The following ANO3 variants were observed in gnomAD, a reference collection of about 807,000 sequenced individuals.
ANO3 encodes the protein anoctamin-3.
In ANO3, 99 loss-of-function variants were observed where a neutral mutation model predicts 144.8. The ratio of observed to expected loss-of-function variants is 0.68; its 90% CI spans 0.58 to 0.81. The LOEUF (loss-of-function observed/expected upper bound fraction) is 0.81, where lower values mean the gene tolerates loss of function less well. ANO3 is among the 30% of genes least tolerant of loss of function. The probability of loss-of-function intolerance (pLI) is 0.00; values close to 1 mark genes in which losing one functional copy is unlikely to be tolerated. For synonymous variants in ANO3, 414 were observed against 392.6 expected (o/e 1.05, Z -0.64); for missense variants, 905 against 1,202.2 (o/e 0.75, Z 3.66).
At chr11:26,500,490 A>G (rs1861148975) in intron 4 of ANO3, among the ~76,000 whole-genome samples, 1 of 152,072 alleles carries the variant, frequency 6.6e-6, no homozygotes, top group Non-Finnish European at 1.5e-5. Context: ...TATAGCCTTC[A>G]TAGATGGTGA....
At chr11:26,647,893 T>C in intron 24 of ANO3, 37 bp downstream of exon 24, 1 of 1,573,918 alleles carries the variant, frequency 6.4e-7, no homozygotes, top group Non-Finnish European at 8.7e-7. Context: ...TGATATGTTT[T>C]ACATTTGTAA....
At chr11:26,192,986 T>C (rs1851507042) in intron 1 of ANO3, among the ~76,000 whole-genome samples, 2 of 152,098 alleles carry the variant, frequency 1.3e-5, no homozygotes, top group South Asian at 2.1e-4. Context: ...TAGGTACATA[T>C]GTGCCATGGT....
chr11:26,598,483 G>A, intron 15 of ANO3, 36 bp downstream of exon 15: 1 of 1,405,098 alleles, frequency 7.1e-7, no homozygotes, highest in Non-Finnish European at 9.8e-7. Flanking sequence ...AGGGAAACTG[G>A]GCTATTACAG....
intron 3 of ANO3, 124 bp downstream of exon 3, chr11:26,443,960 G>C (rs567949211): frequency 1.8e-6 from 1 of 556,000 alleles, no homozygotes; most frequent in South Asian, 3.0e-5. Context: ...AACGTAATAG[G>C]TGAGTATAAT....
intron 1 of ANO3, among the ~76,000 whole-genome samples, chr11:26,190,668 C>T (rs758121086): frequency 5.3e-5 from 8 of 151,888 alleles, no homozygotes; most frequent in Non-Finnish European, 1.2e-4. Context: ...GTCTTTATGC[C>T]GTTAGATTCA....
chr11:26,287,418 A>G (rs1443094261), intron 1 of ANO3: 1 of 152,160 alleles, frequency 6.6e-6, no homozygotes, highest in Non-Finnish European at 1.5e-5. Context: ...GACAATATCC[A>G]TTTTAGAGAT....
At chr11:26,399,532 C>G (rs1276764224) in intron 1 of ANO3, among the ~76,000 whole-genome samples, 3 of 151,884 alleles carry the variant, frequency 2.0e-5, no homozygotes, top group African/African-American at 7.2e-5. Context: ...CGTTCTGTCT[C>G]TGTGGGAGGC....
chr11:26,480,816 TATAA>T (rs549373673), intron 4 of ANO3, among the ~76,000 whole-genome samples: 5 of 151,188 alleles, frequency 3.3e-5, no homozygotes, highest in African/African-American at 4.9e-5. Context: ...TCAAAAACAA[TATAA>T]ATAAATAAAT....
chr11:26,358,135 G>A (rs1855830673), intron 1 of ANO3, among the ~76,000 whole-genome samples: 1 of 143,474 alleles, frequency 7.0e-6, no homozygotes, highest in Non-Finnish European at 1.5e-5. Flanking sequence ...TAGCTATTCT[G>A]TGTTTTTTAC....
At chr11:26,540,053 G>A (rs894880759) in intron 10 of ANO3, among the ~76,000 whole-genome samples, 1 of 152,002 alleles carries the variant, frequency 6.6e-6, no homozygotes. Flanking sequence ...AATAAAAGCA[G>A]AGAAGTTCAG....
chr11:26,507,105 A>T (rs117918234), intron 4 of ANO3, among the ~76,000 whole-genome samples: 16,958 of 152,230 alleles, frequency 0.11, 1,302 homozygotes, highest in Admixed American at 0.16. Flanking sequence ...AGGCAGAAGA[A>T]ATTGGGTTCA....
chr11:26,330,519 A>T (rs1002837132), upstream of ANO3, among the ~76,000 whole-genome samples: 7 of 152,116 alleles, frequency 4.6e-5, no homozygotes, highest in Admixed American at 3.9e-4. Flanking sequence ...TACATTAAAG[A>T]AGGTAGCACA....
intron 1 of ANO3, 75 bp downstream of exon 1, chr11:26,332,396 C>T: frequency 3.5e-6 from 5 of 1,428,162 alleles, no homozygotes; most frequent in Non-Finnish European, 4.9e-6. Context: ...TGTGTAGGAG[C>T]ATCCTTTGCA....
chr11:26,254,711 C>A lies in ANO3; in HGVS notation c.155-54934C>A, dbSNP rs529407509. On this transcript the variant is annotated intron_variant, in intron 1 of 27. Transcript: ENST00000672621. Reference sequence around the variant, plus strand: ...CTCTTAATAAAGAACACACACTAAGCAAATATTAATAAACTGTAATAAAAA... The same window carrying A: ...CTCTTAATAAAGAACACACACTAAGAAAATATTAATAAACTGTAATAAAAA... 9.9e-5 allele frequency among the ~76,000 whole-genome samples: 15 copies of A among 152,214 alleles called. No homozygotes were observed. The South Asian group carries it at 2.5e-3, about 25-fold the overall frequency.
rs142506829 is a variant in ANO3 at position 26,511,428 on chromosome 11, A to T, written c.591+3166A>T. On this transcript the variant is annotated intron_variant, in intron 5 of 26. Transcript: ENST00000256737. ...AAATTAAGAAAACAAACAAAAAAAA[A>T]TTTTTTATACTCTTTCCACTTGATT... is the stretch of plus-strand genomic sequence containing the variant. 3.7e-3 allele frequency among the ~76,000 whole-genome samples: 561 copies of T among 152,278 alleles called. 1 individual carries two copies. The highest frequency in any genetic ancestry group is 0.01 in the Middle Eastern group (3 of 294).
intron 1 of ANO3, among the ~76,000 whole-genome samples, chr11:26,249,633 A>G (rs964719176): frequency 1.3e-5 from 2 of 152,124 alleles, no homozygotes; most frequent in African/African-American, 4.8e-5. Context: ...GTTGTTAAAT[A>G]TATTTTATAT....
Position 26,360,713 on chromosome 11 carries a change from G to T in ANO3, c.46+28392G>T, listed in dbSNP as rs148565324. On this transcript the variant is annotated intron_variant, in intron 1 of 26. Coordinates refer to ENST00000256737, the MANE Select transcript of ANO3 (RefSeq NM_031418.4). ...GAATCCTCTCTGCATGTTTTTATTC[G>T]AAGCTTTCTCTGCTCTACTTTGTCA... Among the ~76,000 whole-genome samples, 25 of 152,186 alleles carry T rather than the reference G, an allele frequency of 1.6e-4. No individual in the cohort carries two copies. In the East Asian group the frequency reaches 4.6e-3, roughly 28 times the overall value.
At chr11:26,271,279 C>A (rs887173674) in intron 1 of ANO3, among the ~76,000 whole-genome samples, 6 of 152,166 alleles carry the variant, frequency 3.9e-5, no homozygotes, top group Admixed American at 3.3e-4. Flanking sequence ...GGCATTTTTT[C>A]TACTTCCTAT....
intron 1 of ANO3, among the ~76,000 whole-genome samples, chr11:26,220,780 G>T (rs1042788597): frequency 2.0e-5 from 3 of 152,068 alleles, no homozygotes; most frequent in Non-Finnish European, 4.4e-5. Context: ...ACAGCTTAAG[G>T]CTTCTGGCCT....
Sources: allele counts gnomAD v4.1 joint callset (sites outside exome capture counted in the v4.1 genomes callset), GRCh38; gene constraint gnomAD v4.1.1; transcripts MANE v1.5; gene names NCBI Gene and HGNC (gene_info 2026-07-23, HGNC 2026-07-21).